ARHGAP8: variants seen among roughly 807,000 people sequenced by gnomAD.
ARHGAP8 encodes the protein rho GTPase-activating protein 8.
Under a neutral mutation model 46.1 loss-of-function variants are expected in ARHGAP8, and 62 were observed. The ratio of observed to expected loss-of-function variants is 1.34; its 90% CI spans 1.10 to 1.66. The LOEUF (loss-of-function observed/expected upper bound fraction) is 1.66. Ranked by LOEUF, ARHGAP8 falls within the 40% of genes most tolerant of loss-of-function variation. The pLI is 0.00. For synonymous variants in ARHGAP8, 375 were observed against 243.1 expected, an observed-to-expected ratio of 1.54 and a Z score of -5.05; for missense variants, 923 against 568.4, an observed-to-expected ratio of 1.62 and a Z score of -6.34.
At chr22:44,822,316 C>G in intron 5 of ARHGAP8, 55 bp from the exon 6 acceptor site, 3 of 1,490,310 alleles carry the variant, frequency 2.0e-6, no homozygotes, top group South Asian at 2.6e-5. Context: ...CTGCAACCCT[C>G]GGCCTCTCTG....
chr22:44,786,375 CTT>C, intron 1 of ARHGAP8, 80 bp from the exon 2 acceptor site: 2 of 1,503,860 alleles, frequency 1.3e-6, no homozygotes, highest in South Asian at 2.6e-5. Context: ...GGGTGACTGT[CTT>C]ATGAAAGGCA....
At chr22:44,782,809 C>T (rs1049740347) in intron 1 of ARHGAP8, among the ~76,000 whole-genome samples, 11 of 152,170 alleles carry the variant, frequency 7.2e-5, no homozygotes, top group Non-Finnish European at 1.5e-4. Context: ...CATGCGTGTA[C>T]GTGTATTTGC....
At chr22:44,808,761 C>T (rs528087396) in intron 4 of ARHGAP8, 5 of 468,122 alleles carry the variant, frequency 1.1e-5, no homozygotes, top group East Asian at 5.5e-5. Context: ...GTCAGGAGTT[C>T]GAGACCAGGC....
chr22:44,846,172 C>T (rs1414975661), intron 8 of ARHGAP8, among the ~76,000 whole-genome samples: 5 of 152,224 alleles, frequency 3.3e-5, no homozygotes, highest in African/African-American at 7.2e-5. Context: ...CCCGAGACCC[C>T]GCCACCGTGT....
At chr22:44,862,138 C>T (rs747173988) in intron 11 of ARHGAP8, 137 bp from the exon 12 acceptor site, 3 of 1,040,850 alleles carry the variant, frequency 2.9e-6, no homozygotes, top group Admixed American at 3.1e-5. Flanking sequence ...TGCACAGGGT[C>T]CCCATTACTG....
At chr22:44,816,740 GGCT>G (rs1428679783) in intron 5 of ARHGAP8, among the ~76,000 whole-genome samples, 1 of 150,700 alleles carries the variant, frequency 6.6e-6, no homozygotes, top group Non-Finnish European at 1.5e-5. Flanking sequence ...AGGACTTCAA[GGCT>G]GCAGTGGCTT....
chr22:44,811,372 C>T (rs1056838021), intron 4 of ARHGAP8, among the ~76,000 whole-genome samples: 1 of 152,222 alleles, frequency 6.6e-6, no homozygotes, highest in Non-Finnish European at 1.5e-5. Flanking sequence ...AGAGCTCTCA[C>T]ATTGAAGGGC....
In ARHGAP8 at chr22:44,803,663, G is replaced by A. The variant is rs549993679; in HGVS notation, c.167+1499G>A. Among the ~76,000 whole-genome samples, 7 of 33,520 alleles carry A rather than the reference G, an allele frequency of 2.1e-4. No individual in the cohort carries two copies. In the South Asian group the frequency reaches 4.2e-3, roughly 20 times the overall value. The allele number at this position is 33,520 out of a possible 152,430, so 22.0% of individuals were successfully genotyped here. A position where few individuals can be genotyped will look rare whatever the true frequency, so the allele number is the denominator to read the frequency against. ...CTCCCATGCACACACCCCCTCCCAT[G>A]CACACACCCCCTCCCGTGCACACAC... On this transcript the variant is annotated intron_variant, in intron 3 of 11. Transcript: ENST00000356099.
At chr22:44,857,622 G>C (rs993858660) in intron 10 of ARHGAP8, among the ~76,000 whole-genome samples, 6 of 152,130 alleles carry the variant, frequency 3.9e-5, no homozygotes, top group Non-Finnish European at 7.3e-5. Context: ...GAAACTAGGG[G>C]GACATGCCAT....
intron 11 of ARHGAP8, 143 bp from the exon 12 acceptor site, chr22:44,862,132 C>T (rs8139116): frequency 0.11 from 109,716 of 986,026 alleles, 6,560 homozygotes; most frequent in African/African-American, 0.16. Context: ...GGTGGCTGCA[C>T]AGGGTCCCCA....
chr22:44,854,788 G>C (rs186873981), intron 10 of ARHGAP8, among the ~76,000 whole-genome samples: 1 of 151,688 alleles, frequency 6.6e-6, no homozygotes, highest in African/African-American at 2.4e-5. Flanking sequence ...ACAGGCACCG[G>C]CCATCTTGCC....
intron 7 of ARHGAP8, among the ~76,000 whole-genome samples, chr22:44,838,827 C>T: frequency 6.6e-6 from 1 of 152,332 alleles, no homozygotes; most frequent in African/African-American, 2.4e-5. Context: ...TGTGTGCAGC[C>T]TGGGAGGCTG....
intron 5 of ARHGAP8, among the ~76,000 whole-genome samples, chr22:44,816,346 C>G (rs1461886076): frequency 1.3e-5 from 2 of 152,178 alleles, no homozygotes; most frequent in African/African-American, 4.8e-5. Flanking sequence ...ATCTCGGCCC[C>G]CCAGGAGCAT....
At chr22:44,775,038 G>A (rs955049009) in intron 1 of ARHGAP8, among the ~76,000 whole-genome samples, 8 of 152,142 alleles carry the variant, frequency 5.3e-5, no homozygotes, top group Admixed American at 5.2e-4. Flanking sequence ...TGCCATTTTG[G>A]CCAGGCTGGT....
chr22:44,858,227 T>G (rs1317174412), intron 10 of ARHGAP8, among the ~76,000 whole-genome samples: 8 of 152,200 alleles, frequency 5.3e-5, no homozygotes, highest in African/African-American at 1.9e-4. Context: ...TGTGCAAGGC[T>G]CAGTGGGAGG....
intron 1 of ARHGAP8, among the ~76,000 whole-genome samples, chr22:44,761,966 C>G (rs561671127): frequency 6.0e-4 from 91 of 150,932 alleles, no homozygotes; most frequent in African/African-American, 2.2e-3. Context: ...TGTGGGGGAA[C>G]CCCCCCCAAC....
Position 44,820,165 on chromosome 22 carries a change from G to A in ARHGAP8, c.387-2206G>A, listed in dbSNP as rs546649229. On this transcript the variant is annotated intron_variant, in intron 5 of 11. Coordinates refer to ENST00000356099, the MANE Select transcript of ARHGAP8 (RefSeq NM_181335.3). The stretch of plus-strand genomic sequence containing the variant: ...CTAACAAAACCCCAGCAACTCTGCC[G>A]CACGCCGTGTTGGGAGCCCCTGGCT... Among the ~76,000 whole-genome samples the A allele has an allele frequency of 1.3e-3, 193 of 152,366 alleles. 1 individual carries two copies. Among genetic ancestry groups the A allele is most frequent in the African/African-American group, 1.3e-3 (56 of 41,588 alleles).
intron 1 of ARHGAP8, among the ~76,000 whole-genome samples, chr22:44,762,299 A>G (rs1314481662): frequency 6.6e-6 from 1 of 152,072 alleles, no homozygotes; most frequent in Non-Finnish European, 1.5e-5. Context: ...AGCCAGGTAC[A>G]GTGGTGTGCA....
chr22:44,852,501 A>C (rs1055884738), intron 10 of ARHGAP8, among the ~76,000 whole-genome samples: 7 of 152,064 alleles, frequency 4.6e-5, no homozygotes, highest in African/African-American at 1.7e-4. Flanking sequence ...CAGGCTCCAT[A>C]TTTGGGACAG....
Sources: allele counts gnomAD v4.1 joint callset (sites outside exome capture counted in the v4.1 genomes callset), GRCh38; gene constraint gnomAD v4.1.1; transcripts MANE v1.5; gene names NCBI Gene and HGNC (gene_info 2026-07-23, HGNC 2026-07-21).